The following GGA2 variants were observed in gnomAD, a reference collection of about 807,000 sequenced individuals.
GGA2 encodes the protein golgi associated, gamma adaptin ear containing, ARF binding protein 2.
GGA2 carries 48 observed loss-of-function variants against 79.5 expected under a neutral mutation model. The observed-to-expected ratio is 0.60, with a 90% CI of 0.48 to 0.77. The LOEUF (loss-of-function observed/expected upper bound fraction) is 0.77, where lower values mean the gene tolerates loss of function less well. GGA2 is among the 30% of genes least tolerant of loss of function. The pLI is 0.00. For synonymous variants in GGA2, 317 were observed against 302.0 expected (o/e 1.05, Z -0.51); for missense variants, 770 against 774.0 (o/e 0.99, Z 0.06).
Position 23,467,672 on chromosome 16 carries a change from G to A in GGA2, c.1760C>T (p.Thr587Ile). ...GAAAGGCTGTCCACCTTGGTTGAAT[G>A]TCAGCTTGTACCGTAAGCGGATAGG... ...KEPIRLRYKL[T>I]FNQGGQPFSE... Residue 587 changes from threonine (T) to isoleucine (I), a missense_variant, in exon 17 of 17, where the codon ACA becomes ATA. Thr to Ile is a moderately conservative substitution (Grantham distance 89). Coordinates refer to ENST00000309859, the MANE Select transcript of GGA2 (RefSeq NM_015044.4). 3 of 1,603,078 alleles carry A rather than the reference G, an allele frequency of 1.9e-6. No homozygotes were observed. The highest frequency in any genetic ancestry group is 2.6e-6 in the Non-Finnish European group (3 of 1,169,922).
intron 5 of GGA2, among the ~76,000 whole-genome samples, chr16:23,489,946 A>G (rs920778550): frequency 4.6e-5 from 7 of 152,104 alleles, no homozygotes; most frequent in Admixed American, 2.0e-4. Context: ...CCAGATCTAC[A>G]CTGGGGTGAG....
intron 1 of GGA2, among the ~76,000 whole-genome samples, chr16:23,520,799 T>C (rs1965135990): frequency 6.6e-6 from 1 of 151,984 alleles, no homozygotes; most frequent in Non-Finnish European, 1.5e-5. Context: ...TTTTATTAAT[T>C]TCTTGTTGAG....
chr16:23,511,016 C>CGTGTGTGTGT (rs145140640), upstream of GGA2, among the ~76,000 whole-genome samples: 7 of 28,854 alleles, frequency 2.4e-4, no homozygotes, highest in African/African-American at 6.1e-4. Flanking sequence ...TGGGTTTCAC[C>CGTGTGTGTGT]GTGTGTGTGT....
chr16:23,516,633 TG>T (rs767017436), intron 2 of GGA2, among the ~76,000 whole-genome samples: 4 of 152,126 alleles, frequency 2.6e-5, no homozygotes, highest in Non-Finnish European at 5.9e-5. Context: ...TCCCTCCTTA[TG>T]AAGACCCAAC....
chr16:23,503,484 A>T (rs1315863781), intron 1 of GGA2, among the ~76,000 whole-genome samples: 1 of 152,242 alleles, frequency 6.6e-6, no homozygotes, highest in Non-Finnish European at 1.5e-5. Flanking sequence ...ATTATATCTT[A>T]TATTTGATTT....
intron 11 of GGA2, 132 bp from the exon 12 acceptor site, chr16:23,479,043 T>C (rs1964614170): frequency 1.4e-6 from 1 of 701,964 alleles, no homozygotes; most frequent in Admixed American, 2.0e-5. Context: ...GAAGGTCATG[T>C]GACTCGTCCA....
At chr16:23,520,194 A>C (rs1337855919) in intron 1 of GGA2, among the ~76,000 whole-genome samples, 1 of 146,324 alleles carries the variant, frequency 6.8e-6, no homozygotes, top group Non-Finnish European at 1.5e-5. Flanking sequence ...TGGAGGTTTC[A>C]GTGAGCCAAG....
At chr16:23,493,559 G>A in intron 3 of GGA2, 101 bp from the exon 4 acceptor site, 1 of 772,434 alleles carries the variant, frequency 1.3e-6, no homozygotes, top group Non-Finnish European at 2.3e-6. Context: ...TGGAACCAAG[G>A]CTAACCCTGC....
chr16:23,496,302 CAAAAAA>C (rs754859869), intron 1 of GGA2, among the ~76,000 whole-genome samples: 4 of 35,840 alleles, frequency 1.1e-4, no homozygotes, highest in East Asian at 8.1e-4. Context: ...GACTCTGTCT[CAAAAAA>C]AAAAAAAAAA....
Position 23,466,339 on chromosome 16 carries a change from T to C in GGA2, c.*1251A>G, listed in dbSNP as rs192439686. The C allele has an allele frequency of 6.6e-6, 1 of 152,298 alleles. No individual in the cohort carries two copies. 9.4% of individuals were successfully genotyped at this position (152,298 alleles called of 1,614,324 possible). On this transcript the variant is annotated 3_prime_UTR_variant, in exon 17 of 17. Transcript: ENST00000309859. ...AAGCAGGACTTGTCAAACATACACA[T>C]TCAAGTTCCTAGCACACAGTAGGTG...
chr16:23,519,262 C>T (rs928129062), intron 2 of GGA2, among the ~76,000 whole-genome samples: 7 of 152,028 alleles, frequency 4.6e-5, no homozygotes, highest in Non-Finnish European at 8.8e-5. Flanking sequence ...AGGTTGGTCT[C>T]GAACTCCTAG....
intron 1 of GGA2, chr16:23,501,286 G>C (rs1964919028): frequency 2.2e-6 from 1 of 456,510 alleles, no homozygotes; most frequent in South Asian, 1.6e-5. Context: ...CTACTAATTG[G>C]AAAAAGATTG....
chr16:23,467,439 A>T lies in GGA2; in HGVS notation c.*151T>A. On this transcript the variant is annotated 3_prime_UTR_variant, in exon 17 of 17. Transcript: ENST00000309859. ...ACACACACACACACACACACAGAGC[A>T]TCTGCAGAATAAGTCAGAGGTTGAC... 1 of 420,128 alleles carries T rather than the reference A, an allele frequency of 2.4e-6. No homozygotes were observed. The allele number at this position is 420,128 out of a possible 1,614,324, so 26.0% of individuals were successfully genotyped here. A position where few individuals can be genotyped will look rare whatever the true frequency, so the allele number is the denominator to read the frequency against.
chr16:23,468,853 C>T, intron 16 of GGA2, 33 bp downstream of exon 16: 2 of 1,346,750 alleles, frequency 1.5e-6, no homozygotes, highest in Non-Finnish European at 2.1e-6. Flanking sequence ...CAGGGGCCCC[C>T]ATCTCCCTGC....
In GGA2 at chr16:23,464,030, TA is replaced by T. The variant is rs1964404830; in HGVS notation, c.*3559del. On this transcript the variant is annotated 3_prime_UTR_variant, in exon 17 of 17. Coordinates refer to ENST00000309859, the MANE Select transcript of GGA2 (RefSeq NM_015044.4). ...GGGTAAGCATCTTCTATAATGGGTA[TA>T]TTTAAAGGATTTGGGATTAATATTG... The T allele has an allele frequency of 6.6e-6, 1 of 152,190 alleles. No homozygotes were observed. The highest frequency in any genetic ancestry group is 1.9e-4 in the East Asian group (1 of 5,198). 9.4% of individuals were successfully genotyped at this position (152,190 alleles called of 1,614,324 possible).
At position 23,516,485 on chromosome 16, in the gene GGA2, T is replaced by C. The variant is rs1965103491; in HGVS notation, c.61+3102A>G. Among the ~76,000 whole-genome samples the C allele has an allele frequency of 1.3e-5, 2 of 152,134 alleles. 1 individual carries two copies. The highest frequency in any genetic ancestry group is 4.1e-4 in the South Asian group (2 of 4,836). On this transcript the variant is annotated intron_variant, in intron 2 of 5. Coordinates refer to the GGA2 transcript ENST00000569300. ...CCCTTTTCTGTGCCTCATTTTCCAA[T>C]CTTCTCCTACTGGGGCTCCTTCCTT...
At chr16:23,500,434 G>A (rs1288101913) in intron 1 of GGA2, among the ~76,000 whole-genome samples, 1 of 152,172 alleles carries the variant, frequency 6.6e-6, no homozygotes, top group Non-Finnish European at 1.5e-5. Context: ...ACATCTATGA[G>A]GCGGTGGCAA....
At chr16:23,506,833 G>C (rs1320120220) in intron 1 of GGA2, among the ~76,000 whole-genome samples, 1 of 152,138 alleles carries the variant, frequency 6.6e-6, no homozygotes, top group Non-Finnish European at 1.5e-5. Flanking sequence ...CAATCATCTT[G>C]ATCTCCTTCG....
Position 23,482,945 on chromosome 16 carries a change from G to A in GGA2, c.858C>T (p.Thr286=). Reference sequence around the variant, plus strand: ...TACCGAGTGCATCATCGTCATCAGTGGTGTCACTCGCCAACCGGAACAGCG... The same window carrying A: ...TACCGAGTGCATCATCGTCATCAGTAGTGTCACTCGCCAACCGGAACAGCG... ...RPTLFRLASD[T]TDDDDALAEI... The change falls in exon 9 of 17, where the codon ACC becomes ACT. Residue 286 remains threonine (T), a synonymous_variant. Coordinates refer to ENST00000309859, the MANE Select transcript of GGA2 (RefSeq NM_015044.4). 1.2e-6 allele frequency: 2 copies of A among 1,608,718 alleles called. No homozygotes were observed. The highest frequency in any genetic ancestry group is 1.7e-6 in the Non-Finnish European group (2 of 1,175,092).
Sources: allele counts gnomAD v4.1 joint callset (sites outside exome capture counted in the v4.1 genomes callset), GRCh38; gene constraint gnomAD v4.1.1; transcripts MANE v1.5; gene names NCBI Gene and HGNC (gene_info 2026-07-23, HGNC 2026-07-21).